The following MGAM variants were observed in gnomAD, a reference collection of about 807,000 sequenced individuals.
MGAM encodes maltase-glucoamylase.
In MGAM, 253 loss-of-function variants were observed where a neutral mutation model predicts 358.8. That is an observed-to-expected ratio of 0.71 (90% CI 0.64 to 0.78). MGAM has a LOEUF of 0.78. MGAM is among the 30% of genes least tolerant of loss of function. The pLI, the probability that MGAM is intolerant of heterozygous loss-of-function variation, is 0.00. For synonymous variants in MGAM, 1,105 were observed against 1,227.1 expected (o/e 0.90, Z 2.08); for missense variants, 3,080 against 3,432.6 (o/e 0.90, Z 2.57).
Position 142,050,397 on chromosome 7 carries a change from A to T in MGAM, c.2637+113A>T, listed in dbSNP as rs1454849447. The T allele has an allele frequency of 7.0e-6, 9 of 1,285,676 alleles. No homozygotes were observed. In the East Asian group the frequency reaches 1.8e-4, roughly 26 times the overall value. The allele number at this position is 1,285,676 out of a possible 1,614,324, so 79.6% of individuals were successfully genotyped here. A position where few individuals can be genotyped will look rare whatever the true frequency, so the allele number is the denominator to read the frequency against. ...TTATATTTGTAACTTTATATGCATT[A>T]TTGGCTATAGGTGAGTACATTTCTA... is the stretch of plus-strand genomic sequence containing the variant. On this transcript the variant is annotated intron_variant, in intron 23 of 70. Coordinates refer to ENST00000475668, the MANE Select transcript of MGAM (RefSeq NM_001365693.1).
chr7:142,050,415 C>T, intron 23 of MGAM, 131 bp downstream of exon 23: 3 of 1,147,378 alleles, frequency 2.6e-6, no homozygotes, highest in Middle Eastern at 2.7e-4. Context: ...TAGGTGAGTA[C>T]ATTTCTATTT....
chr7:142,065,077 C>T (rs897790520), intron 37 of MGAM, among the ~76,000 whole-genome samples: 6 of 152,160 alleles, frequency 3.9e-5, no homozygotes, highest in African/African-American at 1.2e-4. Context: ...ATTAGCAAGA[C>T]ATAGTAATTC....
intron 21 of MGAM, among the ~76,000 whole-genome samples, chr7:142,041,982 A>AC (rs1210943951): frequency 0.035 from 464 of 13,132 alleles, 46 homozygotes; most frequent in African/African-American, 0.11. Flanking sequence ...ATATATATAT[A>AC]ATATAATATA....
At position 142,008,487 on chromosome 7, in the gene MGAM, A is replaced by G. The variant is rs782576767; in HGVS notation, c.128-19A>G. 2 of 1,587,888 alleles carry G rather than the reference A, an allele frequency of 1.3e-6. No individual in the cohort carries two copies. The highest frequency in any genetic ancestry group is 2.7e-5 in the African/African-American group (2 of 74,074). On this transcript the variant is annotated intron_variant, in intron 2 of 70. Transcript: ENST00000475668. Reference sequence around the variant, plus strand: ...ATTAAATTTGTCTAATGGTCTTTTTATGTTTGCTTTTGGTATAGCCCCAGA... The same window carrying G: ...ATTAAATTTGTCTAATGGTCTTTTTGTGTTTGCTTTTGGTATAGCCCCAGA...
chr7:142,032,033 C>CT (rs371378447), intron 13 of MGAM, among the ~76,000 whole-genome samples: 16,870 of 122,276 alleles, frequency 0.14, 1,326 homozygotes, highest in East Asian at 0.22. Flanking sequence ...AAGTCTAGCT[C>CT]TTTTTTTTTT....
At chr7:142,036,799 C>A (rs782568419) in intron 17 of MGAM, 24 bp from the exon 18 acceptor site, 15 of 1,609,868 alleles carry the variant, frequency 9.3e-6, no homozygotes, top group Non-Finnish European at 1.3e-5. Context: ...CAAACCACAA[C>A]TGCAAACTCC....
At chr7:142,105,722 G>C in intron 70 of MGAM, 92 bp from the exon 71 acceptor site, 1 of 891,178 alleles carries the variant, frequency 1.1e-6, no homozygotes, top group South Asian at 1.4e-5. Context: ...AGTATTAGGG[G>C]GTTATTTGGA....
At chr7:141,989,335 T>C (rs1803842544) in intron 2 of MGAM, among the ~76,000 whole-genome samples, 1 of 152,094 alleles carries the variant, frequency 6.6e-6, no homozygotes, top group Non-Finnish European at 1.5e-5. Flanking sequence ...AAGGACTGGC[T>C]GAGGAGGGGT....
Position 142,084,740 on chromosome 7 carries a change from C to T in MGAM, c.6507+96C>T. ...TAATGTTTGTGAGATTCTATAAAGA[C>T]ATAATGTTCTTTTTCAGACAATATC... On this transcript the variant is annotated intron_variant, in intron 54 of 70. Coordinates refer to ENST00000475668, the MANE Select transcript of MGAM (RefSeq NM_001365693.1). 2 of 1,428,170 alleles carry T rather than the reference C, an allele frequency of 1.4e-6. 1 individual carries two copies. The highest frequency in any genetic ancestry group is 4.7e-5 in the East Asian group (2 of 42,796). 88.5% of individuals were successfully genotyped at this position (1,428,170 alleles called of 1,614,324 possible). A position where few individuals can be genotyped will look rare whatever the true frequency, so the allele number is the denominator to read the frequency against.
chr7:141,993,892 TA>T (rs1554447842), upstream of MGAM, among the ~76,000 whole-genome samples: 4 of 152,226 alleles, frequency 2.6e-5, no homozygotes, highest in African/African-American at 9.6e-5. Flanking sequence ...AACTATAATT[TA>T]AAAAATATTA....
At position 142,065,277 on chromosome 7, in the gene MGAM, C is replaced by CTA; in HGVS notation, c.4485-56_4485-55dup. On this transcript the variant is annotated intron_variant, in intron 37 of 70. Coordinates refer to ENST00000475668, the MANE Select transcript of MGAM (RefSeq NM_001365693.1). ...CTCAAGGGCTCTGGGAGCAGAAGCT[C>CTA]TATGGCCTTTACTCCCTGGCTGTTG... 1.9e-6 allele frequency: 3 copies of CTA among 1,576,584 alleles called. No individual in the cohort carries two copies. The South Asian group carries it at 3.5e-5, about 18-fold the overall frequency.
chr7:142,097,385 T>A (rs1339811128), intron 65 of MGAM, among the ~76,000 whole-genome samples: 3 of 152,148 alleles, frequency 2.0e-5, no homozygotes, highest in Non-Finnish European at 1.5e-5. Flanking sequence ...CAAAGTGCTT[T>A]ATGAAAGCCA....
At chr7:142,007,132 T>C (rs79186720) in intron 2 of MGAM, among the ~76,000 whole-genome samples, 3,989 of 152,234 alleles carry the variant, frequency 0.026, 180 homozygotes, top group African/African-American at 0.09. Context: ...CAAATTGATG[T>C]CTTATCTTTC....
Position 142,096,105 on chromosome 7 carries a change from T to C in MGAM, c.7608-226T>C, listed in dbSNP as rs1159324927. On this transcript the variant is annotated intron_variant, in intron 64 of 70. Coordinates refer to ENST00000475668, the MANE Select transcript of MGAM (RefSeq NM_001365693.1). Reference sequence around the variant, plus strand: ...ATGGTTGAGAAATGGGGCAAGTATTTTACAAGAGAGAATACATCTACATCC... The same window carrying C: ...ATGGTTGAGAAATGGGGCAAGTATTCTACAAGAGAGAATACATCTACATCC... 5 of 614,142 alleles carry C rather than the reference T, an allele frequency of 8.1e-6. No homozygotes were observed. The East Asian group carries it at 1.4e-4, about 17-fold the overall frequency. The allele number at this position is 614,142 out of a possible 1,614,324, so 38.0% of individuals were successfully genotyped here. A position where few individuals can be genotyped will look rare whatever the true frequency, so the allele number is the denominator to read the frequency against.
intron 8 of MGAM, 113 bp from the exon 9 acceptor site, chr7:142,027,002 G>A (rs1807036080): frequency 2.6e-6 from 2 of 780,922 alleles, no homozygotes; most frequent in Non-Finnish European, 4.3e-6. Context: ...TGAGGCACTA[G>A]GGTCACCTTG....
chr7:142,091,435 G>A lies in MGAM; in HGVS notation c.6811-478G>A, dbSNP rs773507619. On this transcript the variant is annotated intron_variant, in intron 57 of 70. Coordinates refer to ENST00000475668, the MANE Select transcript of MGAM (RefSeq NM_001365693.1). ...TTCTGAAATTGTAGAAAACACTGAG[G>A]TGTACTGGTCTTATATCCTGAAATG... Among the ~76,000 whole-genome samples the A allele has an allele frequency of 1.4e-5, 2 of 145,984 alleles. 1 individual carries two copies. The highest frequency in any genetic ancestry group is 3.1e-5 in the Non-Finnish European group (2 of 64,550).
Position 142,099,608 on chromosome 7 carries a change from T to C in MGAM, c.7750-5T>C, listed in dbSNP as rs771220801. 1.7e-5 allele frequency: 27 copies of C among 1,613,700 alleles called. No individual in the cohort carries two copies. The highest frequency in any genetic ancestry group is 6.7e-5 in the East Asian group (3 of 44,878). ...TAGTCATCTCTTACCTTCTTCTGCC[T>C]CCAGGGTGTGGATATTAATGCAAGA... On this transcript the variant is annotated splice_region_variant and splice_polypyrimidine_tract_variant and intron_variant, in intron 66 of 70. Transcript: ENST00000475668.
Position 142,064,539 on chromosome 7 carries a change from C to T in MGAM, c.4484+17C>T, listed in dbSNP as rs1290533294. On this transcript the variant is annotated intron_variant, in intron 37 of 70. Transcript: ENST00000475668. ...CACATACGAGTGAGTCTCCGTCTCC[C>T]TTCTCCAGCTGTCACAACCTATAGC... 2 of 1,564,386 alleles carry T rather than the reference C, an allele frequency of 1.3e-6. No individual in the cohort carries two copies. The highest frequency in any genetic ancestry group is 1.7e-6 in the Non-Finnish European group (2 of 1,154,492).
chr7:141,994,554 A>C (rs10229158), upstream of MGAM, among the ~76,000 whole-genome samples: 2,231 of 152,274 alleles, frequency 0.015, 30 homozygotes, highest in Middle Eastern at 0.045. Context: ...ACAAATATCT[A>C]AAAGACCAGT....
Sources: allele counts gnomAD v4.1 joint callset (sites outside exome capture counted in the v4.1 genomes callset), GRCh38; gene constraint gnomAD v4.1.1; transcripts MANE v1.5; gene names NCBI Gene and HGNC (gene_info 2026-07-23, HGNC 2026-07-21).